SCYL2: variants seen among roughly 807,000 people sequenced by gnomAD.
SCYL2 encodes the protein SCY1 like pseudokinase 2, also known as SCY1-like protein 2.
SCYL2 carries 36 observed loss-of-function variants against 100.4 expected under a neutral mutation model. The ratio of observed to expected loss-of-function variants is 0.36; its 90% CI spans 0.27 to 0.47. SCYL2 has a LOEUF of 0.47. Ranked by LOEUF, SCYL2 falls within the 20% of genes least tolerant of loss-of-function variation. The pLI, the probability that SCYL2 is intolerant of heterozygous loss-of-function variation, is 1.00. For synonymous variants in SCYL2, 330 were observed against 359.2 expected, an observed-to-expected ratio of 0.92 and a Z score of 0.92; for missense variants, 902 against 1,083.9, an observed-to-expected ratio of 0.83 and a Z score of 2.36.
intron 4 of SCYL2, among the ~76,000 whole-genome samples, chr12:100,301,430 T>G (rs2096327521): frequency 6.6e-6 from 1 of 152,242 alleles, no homozygotes; most frequent in South Asian, 2.1e-4. Context: ...TTGCAAACAT[T>G]TTCTCCCACT....
chr12:100,267,553 C>T lies in SCYL2; in HGVS notation c.-268C>T, dbSNP rs143748763. ...GGGTGTTGCCTGGTGACGGGCCTGC[C>T]GGCGGCCGGCCGGGCGATCGGCGGT... On this transcript the variant is annotated 5_prime_UTR_variant, in exon 1 of 18. Transcript: ENST00000360820. 0.033 allele frequency: 5,005 copies of T among 152,682 alleles called. 107 individuals carry two copies. The highest frequency in any genetic ancestry group is 0.06 in the African/African-American group (2,479 of 41,558). The allele number at this position is 152,682 out of a possible 1,614,324, so 9.5% of individuals were successfully genotyped here. A position where few individuals can be genotyped will look rare whatever the true frequency, so the allele number is the denominator to read the frequency against.
intron 2 of SCYL2, among the ~76,000 whole-genome samples, chr12:100,287,621 GT>G (rs1356402061): frequency 6.6e-5 from 10 of 152,184 alleles, no homozygotes; most frequent in Non-Finnish European, 1.0e-4. Flanking sequence ...CTTTGCCAGT[GT>G]TTTTAAAGAA....
chr12:100,282,429 G>C (rs1242637261), intron 1 of SCYL2, among the ~76,000 whole-genome samples: 1 of 107,430 alleles, frequency 9.3e-6, no homozygotes, highest in African/African-American at 3.3e-5. Context: ...GGGTTCAAGT[G>C]ATTCTTGGGC....
At chr12:100,313,343 A>G in intron 6 of SCYL2, 79 bp from the exon 7 acceptor site, 2 of 612,198 alleles carry the variant, frequency 3.3e-6, no homozygotes, top group South Asian at 2.6e-5. Flanking sequence ...ATATTGAGTA[A>G]ATTTTTAAAT....
chr12:100,301,502 G>A (rs10161023), intron 4 of SCYL2, among the ~76,000 whole-genome samples: 22,572 of 152,086 alleles, frequency 0.15, 1,898 homozygotes, highest in Non-Finnish European at 0.18. Context: ...CTTTTAACTT[G>A]ATGTGATCCC....
At chr12:100,302,466 C>A (rs182882238) in intron 4 of SCYL2, among the ~76,000 whole-genome samples, 1 of 152,174 alleles carries the variant, frequency 6.6e-6, no homozygotes, top group Non-Finnish European at 1.5e-5. Flanking sequence ...GACAAAATCT[C>A]GCAACTTTTG....
At chr12:100,295,781 G>A (rs1182854777) in intron 3 of SCYL2, among the ~76,000 whole-genome samples, 2 of 151,352 alleles carry the variant, frequency 1.3e-5, no homozygotes, top group Non-Finnish European at 2.9e-5. Context: ...GGGAGAGGGA[G>A]AGGGAGAGGG....
chr12:100,282,551 C>A (rs2135830780), intron 1 of SCYL2, among the ~76,000 whole-genome samples: 1 of 152,212 alleles, frequency 6.6e-6, no homozygotes, highest in Admixed American at 6.5e-5. Context: ...TCTCAAACTT[C>A]TGACCTCAGG....
intron 13 of SCYL2, among the ~76,000 whole-genome samples, chr12:100,332,281 A>C (rs143098386): frequency 6.6e-6 from 1 of 152,182 alleles, no homozygotes; most frequent in Non-Finnish European, 1.5e-5. Context: ...TCAAATTCCA[A>C]ACTCCCAGAA....
At chr12:100,294,741 G>C (rs1439542398) in intron 3 of SCYL2, among the ~76,000 whole-genome samples, 2 of 132,898 alleles carry the variant, frequency 1.5e-5, no homozygotes, top group South Asian at 2.5e-4. Context: ...CTGGCCGGGT[G>C]GGGGGCTGAC....
chr12:100,279,246 A>G (rs1021542976), intron 1 of SCYL2, among the ~76,000 whole-genome samples: 1 of 152,204 alleles, frequency 6.6e-6, no homozygotes, highest in African/African-American at 2.4e-5. Flanking sequence ...AGGAGCACAC[A>G]ACCTAGGTCC....
chr12:100,328,955 A>G (rs376569500), intron 12 of SCYL2, among the ~76,000 whole-genome samples: 2 of 152,320 alleles, frequency 1.3e-5, no homozygotes, highest in African/African-American at 4.8e-5. Context: ...ATGTTATGCT[A>G]TCATTAAATG....
intron 11 of SCYL2, among the ~76,000 whole-genome samples, chr12:100,324,574 A>C (rs1390513620): frequency 6.6e-6 from 1 of 152,222 alleles, no homozygotes; most frequent in Non-Finnish European, 1.5e-5. Context: ...AATCTATTTT[A>C]GTTCATTTCT....
In SCYL2 at chr12:100,291,623, C is replaced by T. The variant is rs1474619680; in HGVS notation, c.298C>T (p.Arg100Ter). The change falls in exon 3 of 18, where the codon CGA becomes TGA. Residue 100 changes from arginine (R) to a stop codon, truncating the protein, a stop_gained. Transcript: ENST00000360820. LOFTEE classifies it high-confidence loss of function. ...ACAGTTAACTCGGCTTCGACACCCTCGACTTCTTACTGTCCAGCATCCTTT... is the reference window on the plus strand; with the variant it reads ...ACAGTTAACTCGGCTTCGACACCCTTGACTTCTTACTGTCCAGCATCCTTT... ...VQQLTRLRHP[R>*]LLTVQHPLEE... 1.3e-6 allele frequency: 2 copies of T among 1,599,642 alleles called. No homozygotes were observed. The highest frequency in any genetic ancestry group is 8.5e-7 in the Non-Finnish European group (1 of 1,175,536).
rs965194555 is a variant in SCYL2, at chr12:100,314,409, A to G, written c.970-80A>G. 6 of 1,012,104 alleles carry G rather than the reference A, an allele frequency of 5.9e-6. No homozygotes were observed. The African/African-American group carries it at 1.0e-4, about 17-fold the overall frequency. The allele number at this position is 1,012,104 out of a possible 1,614,324, so 62.7% of individuals were successfully genotyped here. ...CTAAATGTTTCTGAGTATTTTTTTT[A>G]CCATATTGTGACAGTTTCAGATATG... On this transcript the variant is annotated intron_variant, in intron 7 of 17. Coordinates refer to ENST00000360820, the MANE Select transcript of SCYL2 (RefSeq NM_017988.6).
intron 11 of SCYL2, among the ~76,000 whole-genome samples, chr12:100,326,125 G>A (rs1452501343): frequency 6.6e-6 from 1 of 152,000 alleles, no homozygotes; most frequent in Admixed American, 6.6e-5. Context: ...TAAATAAGAG[G>A]TCTTAATAAC....
intron 2 of SCYL2, among the ~76,000 whole-genome samples, chr12:100,288,096 G>T (rs1255379595): frequency 1.3e-5 from 2 of 152,178 alleles, no homozygotes; most frequent in African/African-American, 4.8e-5. Flanking sequence ...TCTGATGAAA[G>T]GCTTTGTACA....
At chr12:100,271,221 A>G (rs894546414) in intron 1 of SCYL2, among the ~76,000 whole-genome samples, 1 of 146,946 alleles carries the variant, frequency 6.8e-6, no homozygotes, top group African/African-American at 2.6e-5. Context: ...CTTAAGGCCA[A>G]CTCTGGCCTT....
At chr12:100,330,417 C>T (rs970400869) in intron 13 of SCYL2, among the ~76,000 whole-genome samples, 2 of 152,204 alleles carry the variant, frequency 1.3e-5, no homozygotes, top group African/African-American at 2.4e-5. Context: ...AGATTAGAAA[C>T]TCCTCAAAGA....
Sources: allele counts gnomAD v4.1 joint callset (sites outside exome capture counted in the v4.1 genomes callset), GRCh38; gene constraint gnomAD v4.1.1; transcripts MANE v1.5; gene names NCBI Gene and HGNC (gene_info 2026-07-23, HGNC 2026-07-21).